ASTN2: variants seen among roughly 807,000 people sequenced by gnomAD.
ASTN2 encodes the protein astrotactin-2.
A neutral mutation model predicts 139.8 loss-of-function variants in ASTN2; 54 were observed. That is an observed-to-expected ratio of 0.39 (90% confidence interval 0.31 to 0.48). The LOEUF (loss-of-function observed/expected upper bound fraction) is 0.48, where lower values mean the gene tolerates loss of function less well. Among genes scored for constraint, ASTN2 ranks in the 20% least tolerant of loss-of-function variants. The probability of loss-of-function intolerance (pLI) is 0.95; values close to 1 mark genes in which losing one functional copy is unlikely to be tolerated. For synonymous variants in ASTN2, 756 were observed against 719.5 expected (o/e 1.05, Z -0.81); for missense variants, 1,565 against 1,725.1 (o/e 0.91, Z 1.64).
chr9:117,354,592 T>C (rs1829484610), intron 1 of ASTN2, among the ~76,000 whole-genome samples: 1 of 152,218 alleles, frequency 6.6e-6, no homozygotes, highest in African/African-American at 2.4e-5. Flanking sequence ...TACTGATCTG[T>C]CTTTTCTAAC....
chr9:116,476,739 C>T (rs1303112370), intron 20 of ASTN2, among the ~76,000 whole-genome samples: 1 of 152,206 alleles, frequency 6.6e-6, no homozygotes, highest in African/African-American at 2.4e-5. Context: ...CCAGCACATT[C>T]GCTAATCAGA....
intron 1 of ASTN2, among the ~76,000 whole-genome samples, chr9:117,350,121 C>G (rs1462420240): frequency 6.6e-6 from 1 of 152,100 alleles, no homozygotes; most frequent in Non-Finnish European, 1.5e-5. Context: ...TATAGAAAGT[C>G]TCTGTATAAT....
intron 6 of ASTN2, among the ~76,000 whole-genome samples, chr9:117,035,426 A>G (rs1369807966): frequency 6.6e-6 from 1 of 152,162 alleles, no homozygotes; most frequent in African/African-American, 2.4e-5. Context: ...AACGGATGAC[A>G]TGGGTTCAAG....
chr9:116,487,904 C>T (rs1009011864), intron 19 of ASTN2, among the ~76,000 whole-genome samples: 86 of 152,070 alleles, frequency 5.7e-4, no homozygotes, highest in African/African-American at 1.9e-3. Flanking sequence ...ATTGCATTTT[C>T]CTTCTTTGTA....
At position 117,217,891 on chromosome 9, in the gene ASTN2, T is replaced by G. The variant is rs564523570; in HGVS notation, c.631-3149A>C. On this transcript the variant is annotated intron_variant, in intron 2 of 22. Transcript: ENST00000313400. ...CTTGCCTTGGATCCCCAAATCCTTT[T>G]CAATCTGGACCAAATGTTTGATATG... Among the ~76,000 whole-genome samples the G allele has an allele frequency of 7.8e-4, 119 of 152,364 alleles. 2 individuals are homozygous for G. The South Asian group carries it at 0.014, about 18-fold the overall frequency.
chr9:117,100,319 G>T (rs1421009178), intron 4 of ASTN2, among the ~76,000 whole-genome samples: 1 of 152,084 alleles, frequency 6.6e-6, no homozygotes, highest in Non-Finnish European at 1.5e-5. Flanking sequence ...GAAAACTGAG[G>T]CTCAGAAACA....
chr9:116,727,886 C>A (rs1334172305), intron 15 of ASTN2, among the ~76,000 whole-genome samples: 1 of 152,176 alleles, frequency 6.6e-6, no homozygotes, highest in East Asian at 1.9e-4. Context: ...TTATAAAATG[C>A]TTAACAGATG....
chr9:116,545,250 T>A (rs1297780282), intron 19 of ASTN2, among the ~76,000 whole-genome samples: 1 of 152,108 alleles, frequency 6.6e-6, no homozygotes, highest in Non-Finnish European at 1.5e-5. Flanking sequence ...AGCCCCTAGA[T>A]GGGGCTGGGT....
At chr9:117,397,269 A>C (rs548071498) in intron 1 of ASTN2, among the ~76,000 whole-genome samples, 27 of 152,296 alleles carry the variant, frequency 1.8e-4, no homozygotes, top group Non-Finnish European at 3.7e-4. Context: ...CTTTATTTAA[A>C]AATGTACAAA....
chr9:116,555,300 A>G (rs1415604019), intron 19 of ASTN2, among the ~76,000 whole-genome samples: 1 of 152,112 alleles, frequency 6.6e-6, no homozygotes, highest in African/African-American at 2.4e-5. Context: ...TCCCTGGCCA[A>G]GAAGAGAGAC....
chr9:117,300,637 C>A (rs1265659898), intron 1 of ASTN2, among the ~76,000 whole-genome samples: 2 of 152,166 alleles, frequency 1.3e-5, no homozygotes, highest in African/African-American at 4.8e-5. Flanking sequence ...ATAATCTGGA[C>A]ATTTCATAAT....
At chr9:117,208,709 A>T (rs1232948171) in intron 3 of ASTN2, among the ~76,000 whole-genome samples, 1 of 152,116 alleles carries the variant, frequency 6.6e-6, no homozygotes, top group Non-Finnish European at 1.5e-5. Context: ...AAAGTCAATG[A>T]CAAAAAAAAT....
In ASTN2 at chr9:116,839,881, A is replaced by ATTTTTT. The variant is rs71502081; in HGVS notation, c.2041-19104_2041-19099dup. On this transcript the variant is annotated intron_variant, in intron 11 of 22. Transcript: ENST00000313400. ...TTTCATTATTATTATTATTATTATT[A>ATTTTTT]TTTTTTTTTTTTTAATTGATCATTC... Among the ~76,000 whole-genome samples the ATTTTTT allele has an allele frequency of 5.1e-3, 652 of 127,918 alleles. 7 individuals are homozygous for ATTTTTT. The highest frequency in any genetic ancestry group is 9.3e-3 in the Admixed American group (111 of 11,932). The allele number at this position is 127,918 out of a possible 152,430, so 83.9% of individuals were successfully genotyped here. A position where few individuals can be genotyped will look rare whatever the true frequency, so the allele number is the denominator to read the frequency against.
intron 18 of ASTN2, among the ~76,000 whole-genome samples, chr9:116,619,898 C>T (rs1015465773): frequency 6.6e-6 from 1 of 151,942 alleles, no homozygotes; most frequent in Non-Finnish European, 1.5e-5. Context: ...CTAAATTGTC[C>T]GTTCCCTGAG....
At chr9:116,854,301 G>A (rs1382395045) in intron 11 of ASTN2, among the ~76,000 whole-genome samples, 3 of 152,086 alleles carry the variant, frequency 2.0e-5, no homozygotes, top group African/African-American at 7.2e-5. Flanking sequence ...GCCTGCTTAG[G>A]GCCATGTTCT....
At chr9:116,534,472 C>A (rs1851518865) in intron 19 of ASTN2, among the ~76,000 whole-genome samples, 1 of 152,290 alleles carries the variant, frequency 6.6e-6, no homozygotes, top group East Asian at 1.9e-4. Flanking sequence ...AATTTTAGAT[C>A]TTTCCTGCTT....
chr9:117,226,821 C>A (rs1832728910), intron 2 of ASTN2, among the ~76,000 whole-genome samples: 1 of 152,130 alleles, frequency 6.6e-6, no homozygotes, highest in Non-Finnish European at 1.5e-5. Context: ...GGAGAGTCGG[C>A]AGAATGAAGA....
At chr9:117,215,986 T>C (rs1335412) in intron 2 of ASTN2, among the ~76,000 whole-genome samples, 143,990 of 152,238 alleles carry the variant, frequency 0.95, 68,335 homozygotes, top group Non-Finnish European at 0.99. Flanking sequence ...GTTTATTTTG[T>C]TTGTTTTTGC....
intron 16 of ASTN2, among the ~76,000 whole-genome samples, chr9:116,694,368 C>T (rs1378901269): frequency 6.6e-6 from 1 of 151,934 alleles, no homozygotes; most frequent in African/African-American, 2.4e-5. Flanking sequence ...TCCAAATGTC[C>T]TCAGTCTGTT....
Sources: allele counts gnomAD v4.1 joint callset (sites outside exome capture counted in the v4.1 genomes callset), GRCh38; gene constraint gnomAD v4.1.1; transcripts MANE v1.5; gene names NCBI Gene and HGNC (gene_info 2026-07-23, HGNC 2026-07-21).